The following PCSK5 variants were observed in gnomAD, a reference collection of about 807,000 sequenced individuals.
PCSK5 encodes proprotein convertase subtilisin/kexin type 5.
In PCSK5, 129 loss-of-function variants were observed where a neutral mutation model predicts 233.2. That is an observed-to-expected ratio of 0.55 (90% CI 0.48 to 0.64). The LOEUF (loss-of-function observed/expected upper bound fraction) is 0.64, where lower values mean the gene tolerates loss of function less well. PCSK5 is among the 30% of genes least tolerant of loss of function. The pLI is 0.00. For synonymous variants in PCSK5, 825 were observed against 879.2 expected (o/e 0.94, Z 1.09); for missense variants, 2,076 against 2,430.1 (o/e 0.85, Z 3.06).
At chr9:76,251,517 T>C (rs926787678) in intron 24 of PCSK5, among the ~76,000 whole-genome samples, 1 of 150,248 alleles carries the variant, frequency 6.7e-6, no homozygotes, top group African/African-American at 2.5e-5. Context: ...TGAGCCGAGA[T>C]TGTGCCACTG....
At position 76,296,650 on chromosome 9, in the gene PCSK5, T is replaced by C. The variant is rs1374134559; in HGVS notation, c.3323-15T>C. The C allele has an allele frequency of 3.2e-6, 5 of 1,578,932 alleles. No homozygotes were observed. Among genetic ancestry groups the C allele is most frequent in the Non-Finnish European group, 4.4e-6 (5 of 1,149,142 alleles). On this transcript the variant is annotated splice_polypyrimidine_tract_variant and intron_variant, in intron 26 of 37. Transcript: ENST00000674117. ...CACTAAAGCCTTCATGCTTTCTCTC[T>C]GTGTTCTCACATAGGTGGCAGTTGT...
intron 1 of PCSK5, among the ~76,000 whole-genome samples, chr9:75,920,885 A>T (rs1199070841): frequency 6.6e-6 from 1 of 152,176 alleles, no homozygotes; most frequent in Non-Finnish European, 1.5e-5. Flanking sequence ...TACCAGTATG[A>T]AAAAATACTG....
At chr9:76,174,426 C>T (rs1010605751) in intron 13 of PCSK5, among the ~76,000 whole-genome samples, 1 of 151,884 alleles carries the variant, frequency 6.6e-6, no homozygotes, top group Non-Finnish European at 1.5e-5. Context: ...TCTGCCTCAG[C>T]CCCCCAAGTA....
In PCSK5 at chr9:76,097,426, A is replaced by AT. The variant is rs889782758; in HGVS notation, c.1107+1332dup. ...AGGCGCCCGCCACCGCGCCCGGCTA[A>AT]TTTTTTTTGTATTTTTAGTAGAGAC... On this transcript the variant is annotated intron_variant, in intron 8 of 37. Coordinates refer to ENST00000674117, the MANE Select transcript of PCSK5 (RefSeq NM_001372043.1). 6.0e-5 allele frequency among the ~76,000 whole-genome samples: 9 copies of AT among 149,480 alleles called. 1 individual carries two copies. Among genetic ancestry groups the AT allele is most frequent in the African/African-American group, 2.3e-4 (9 of 39,566 alleles).
At chr9:75,950,003 C>T (rs187057809) in intron 2 of PCSK5, among the ~76,000 whole-genome samples, 5 of 152,252 alleles carry the variant, frequency 3.3e-5, no homozygotes, top group Non-Finnish European at 4.4e-5. Flanking sequence ...CAAGTAAAGT[C>T]TCTCCACACC....
At chr9:75,892,994 C>G (rs1825675709) in intron 1 of PCSK5, among the ~76,000 whole-genome samples, 1 of 152,172 alleles carries the variant, frequency 6.6e-6, no homozygotes, top group Non-Finnish European at 1.5e-5. Flanking sequence ...ATTCTACTGG[C>G]TTCTTTTTCT....
intron 20 of PCSK5, among the ~76,000 whole-genome samples, chr9:76,200,764 A>G (rs1363201519): frequency 1.3e-5 from 2 of 152,238 alleles, no homozygotes; most frequent in African/African-American, 4.8e-5. Flanking sequence ...AGGCCCAGGC[A>G]GGGGATGAGC....
rs951390944 is a variant in PCSK5 at position 76,211,586 on chromosome 9, A to G, written c.2627-15917A>G. On this transcript the variant is annotated intron_variant, in intron 20 of 37. Transcript: ENST00000674117. Reference sequence around the variant, plus strand: ...CTTAAGTCTGGGCATGGTGGCTCACACCTGTAATCCCAGCACTTGGGGAGG... The same window carrying G: ...CTTAAGTCTGGGCATGGTGGCTCACGCCTGTAATCCCAGCACTTGGGGAGG... 2.6e-5 allele frequency among the ~76,000 whole-genome samples: 4 copies of G among 152,310 alleles called. No homozygotes were observed. The East Asian group carries it at 5.8e-4, about 22-fold the overall frequency.
chr9:76,296,778 T>A lies in PCSK5; in HGVS notation c.3436T>A (p.Cys1146Ser), dbSNP rs1564164143. 6.2e-7 allele frequency: 1 copy of A among 1,611,810 alleles called. No individual in the cohort carries two copies. The highest frequency in any genetic ancestry group is 2.2e-5 in the East Asian group (1 of 44,848). Residue 1146 changes from cysteine (C) to serine (S), a missense_variant, in exon 27 of 38, where the codon TGC becomes AGC. Transcript: ENST00000674117. ...CTGCACAGGCCCTGGTCATGACGAG[T>A]GCAGCAGCTGCCAGGAAGGACTGCA... Reference protein sequence around the residue: ...ETCTGPGHDECSSCQEGLQLL... With the variant: ...ETCTGPGHDESSSCQEGLQLL...
intron 24 of PCSK5, among the ~76,000 whole-genome samples, chr9:76,259,229 T>A (rs1040407377): frequency 1.3e-5 from 2 of 152,222 alleles, no homozygotes; most frequent in Admixed American, 1.3e-4. Context: ...TGTCTACCTC[T>A]TGTTCCTCAC....
intron 9 of PCSK5, among the ~76,000 whole-genome samples, chr9:76,129,654 T>G (rs577795753): frequency 6.6e-6 from 1 of 152,204 alleles, no homozygotes; most frequent in East Asian, 1.9e-4. Context: ...CAGACACAGA[T>G]GTATTTCTAG....
chr9:75,911,491 C>T (rs577104568), intron 1 of PCSK5, among the ~76,000 whole-genome samples: 2 of 152,266 alleles, frequency 1.3e-5, no homozygotes, highest in African/African-American at 4.8e-5. Context: ...GAAGATGCAG[C>T]AGTGCATAAT....
intron 8 of PCSK5, among the ~76,000 whole-genome samples, chr9:76,105,893 CA>C (rs1225295042): frequency 1.3e-5 from 2 of 152,198 alleles, no homozygotes; most frequent in African/African-American, 4.8e-5. Flanking sequence ...GAAACTAAAT[CA>C]GCCAGAATGC....
At chr9:76,109,699 C>T (rs1316078828) in intron 9 of PCSK5, among the ~76,000 whole-genome samples, 2 of 152,034 alleles carry the variant, frequency 1.3e-5, no homozygotes, top group Non-Finnish European at 2.9e-5. Context: ...TAACAGTCCA[C>T]TCTAATTGTG....
chr9:76,290,856 C>T (rs1400238924), intron 24 of PCSK5, among the ~76,000 whole-genome samples: 2 of 152,216 alleles, frequency 1.3e-5, no homozygotes, highest in African/African-American at 4.8e-5. Flanking sequence ...TAGTTGCCAA[C>T]TCCTGCTAGG....
intron 5 of PCSK5, among the ~76,000 whole-genome samples, chr9:76,030,160 A>G (rs1213242778): frequency 6.6e-6 from 1 of 152,112 alleles, no homozygotes; most frequent in Non-Finnish European, 1.5e-5. Flanking sequence ...AGCAAAAAAA[A>G]AAAAATCTAA....
intron 20 of PCSK5, among the ~76,000 whole-genome samples, chr9:76,211,818 A>C (rs1004338878): frequency 6.6e-6 from 1 of 152,152 alleles, no homozygotes; most frequent in Non-Finnish European, 1.5e-5. Context: ...TTTGCACTCC[A>C]GCCTGGGTGA....
intron 12 of PCSK5, among the ~76,000 whole-genome samples, chr9:76,168,460 G>T (rs1334728082): frequency 6.6e-6 from 1 of 152,118 alleles, no homozygotes; most frequent in Non-Finnish European, 1.5e-5. Context: ...TTCTTAATAT[G>T]TTAATTTTAT....
At position 76,099,427 on chromosome 9, in the gene PCSK5, A is replaced by C. The variant is rs1373289994; in HGVS notation, c.1107+3325A>C. 2.0e-5 allele frequency among the ~76,000 whole-genome samples: 3 copies of C among 152,306 alleles called. No individual in the cohort carries two copies. The East Asian group carries it at 5.8e-4, about 29-fold the overall frequency. ...AGCAGCTCAGTGCATGTCCGGTCGCATTGTCGCCTAAGCTCCTGTAGCTTT... is the reference window on the plus strand; with the variant it reads ...AGCAGCTCAGTGCATGTCCGGTCGCCTTGTCGCCTAAGCTCCTGTAGCTTT... On this transcript the variant is annotated intron_variant, in intron 8 of 37. Coordinates refer to ENST00000674117, the MANE Select transcript of PCSK5 (RefSeq NM_001372043.1).
Sources: allele counts gnomAD v4.1 joint callset (sites outside exome capture counted in the v4.1 genomes callset), GRCh38; gene constraint gnomAD v4.1.1; transcripts MANE v1.5; gene names NCBI Gene and HGNC (gene_info 2026-07-23, HGNC 2026-07-21).